Variants in CCDC18 observed in about 807,000 individuals in gnomAD.
CCDC18 encodes the protein coiled-coil domain containing 18.
In CCDC18, 157 loss-of-function variants were observed where a neutral mutation model predicts 196.0. That is an observed-to-expected ratio of 0.80 (90% confidence interval 0.70 to 0.91). The LOEUF (loss-of-function observed/expected upper bound fraction) is 0.91, where lower values mean the gene tolerates loss of function less well. Ranked by LOEUF, CCDC18 falls within the 40% of genes least tolerant of loss-of-function variation. CCDC18 has a pLI of 0.00. For missense variants in CCDC18, 1,465 were observed against 1,611.6 expected, an observed-to-expected ratio of 0.91 and a Z score of 1.56; for synonymous variants, 482 against 529.2, an observed-to-expected ratio of 0.91 and a Z score of 1.22.
rs750096547 is a variant in CCDC18, at chr1:93,212,115, T to A, written c.1349T>A (p.Ile450Lys). The A allele has an allele frequency of 6.2e-7, 1 of 1,600,022 alleles. No individual in the cohort carries two copies. Among genetic ancestry groups the A allele is most frequent in the East Asian group, 2.3e-5 (1 of 44,368 alleles). The change falls in exon 11 of 29, where the codon ATA becomes AAA. Residue 450 changes from isoleucine (I) to lysine (K), a missense_variant. Coordinates refer to ENST00000690025, the MANE Select transcript of CCDC18 (RefSeq NM_001378204.1). ...VISELRIKLA[I>K]KEAEIQKLHA... Reference sequence around the variant, plus strand: ...TTTTGTGCCAGAATTAAGCTTGCAATAAAAGAGGCAGAAATTCAAAAGCTT... The same window carrying A: ...TTTTGTGCCAGAATTAAGCTTGCAAAAAAAGAGGCAGAAATTCAAAAGCTT...
At chr1:93,237,398 A>C (rs1471106258) in intron 19 of CCDC18, among the ~76,000 whole-genome samples, 1 of 152,118 alleles carries the variant, frequency 6.6e-6, no homozygotes, top group African/African-American at 2.4e-5. Context: ...CTCATATCTC[A>C]CACTAATTCC....
chr1:93,211,575 G>A (rs1655656252), intron 10 of CCDC18, among the ~76,000 whole-genome samples: 1 of 152,056 alleles, frequency 6.6e-6, no homozygotes, highest in African/African-American at 2.4e-5. Context: ...TTACACACAT[G>A]TACACAAATA....
chr1:93,257,048 AAACACC>A, intron 25 of CCDC18, among the ~76,000 whole-genome samples: 1 of 152,058 alleles, frequency 6.6e-6, no homozygotes, highest in Admixed American at 6.6e-5. Context: ...CAATATGGTG[AAACACC>A]ATCTCTACTA....
intron 21 of CCDC18, among the ~76,000 whole-genome samples, chr1:93,241,461 C>A (rs1242106558): frequency 2.0e-5 from 3 of 151,950 alleles, no homozygotes; most frequent in Admixed American, 2.0e-4. Flanking sequence ...CGGTGGCTCA[C>A]GCCTGTAATC....
intron 17 of CCDC18, among the ~76,000 whole-genome samples, chr1:93,227,957 C>CAA (rs71586784): frequency 1.6e-4 from 17 of 105,162 alleles, no homozygotes; most frequent in East Asian, 9.5e-4. Flanking sequence ...GACCCTATCT[C>CAA]AAAAAAAAAA....
At chr1:93,198,075 G>T (rs1407502845) in intron 6 of CCDC18, among the ~76,000 whole-genome samples, 1 of 152,130 alleles carries the variant, frequency 6.6e-6, no homozygotes, top group Non-Finnish European at 1.5e-5. Context: ...TCTAATGGAA[G>T]TGTAAATTGG....
At chr1:93,267,802 G>A (rs1664723346) in intron 27 of CCDC18, among the ~76,000 whole-genome samples, 1 of 152,112 alleles carries the variant, frequency 6.6e-6, no homozygotes, top group African/African-American at 2.4e-5. Flanking sequence ...CAAACAAATG[G>A]GAGAACATTC....
chr1:93,191,952 G>A (rs562597620), intron 4 of CCDC18, 48 bp from the exon 5 acceptor site: 2 of 1,327,608 alleles, frequency 1.5e-6, no homozygotes, highest in South Asian at 2.4e-5. Context: ...GACCAAGTAG[G>A]TTAATTTATT....
chr1:93,188,547 C>T (rs1382018961), intron 4 of CCDC18, among the ~76,000 whole-genome samples: 2 of 152,176 alleles, frequency 1.3e-5, no homozygotes, highest in African/African-American at 2.4e-5. Context: ...TATTTAATGT[C>T]AGAATTTTTA....
In CCDC18 at chr1:93,184,148, T is replaced by G. The variant is rs772804060; in HGVS notation, c.303+2T>G. 6.8e-7 allele frequency: 1 copy of G among 1,480,326 alleles called. No individual in the cohort carries two copies. The highest frequency in any genetic ancestry group is 1.5e-5 in the South Asian group (1 of 65,332). 91.7% of individuals were successfully genotyped at this position (1,480,326 alleles called of 1,614,324 possible). A position where few individuals can be genotyped will look rare whatever the true frequency, so the allele number is the denominator to read the frequency against. On this transcript the variant is annotated splice_donor_variant, in intron 3 of 28. Transcript: ENST00000690025. LOFTEE classifies it high-confidence loss of function. ...TTTCAAAAAAAGCCAAGAGATAAGG[T>G]TATTGTTTTTAGACCTATCTAGTTA...
intron 3 of CCDC18, among the ~76,000 whole-genome samples, chr1:93,185,344 A>C (rs1020498615): frequency 1.3e-5 from 2 of 151,902 alleles, no homozygotes; most frequent in Non-Finnish European, 2.9e-5. Context: ...ATTTACCTTG[A>C]CTTGGAACTC....
In CCDC18 at chr1:93,207,511, TTA is replaced by T. The variant is rs986244668; in HGVS notation, c.1209+114_1209+115del. 8.8e-5 allele frequency: 65 copies of T among 741,836 alleles called. No homozygotes were observed. In the African/African-American group the frequency reaches 1.1e-3, roughly 12 times the overall value. The allele number at this position is 741,836 out of a possible 1,614,324, so 46.0% of individuals were successfully genotyped here. Reference sequence around the variant, plus strand: ...TTCTAATTTCTTTTTCTCTATACTTTTAGTCATGAATTTCTCTTCTGTCTAAA... The same window carrying T: ...TTCTAATTTCTTTTTCTCTATACTTTGTCATGAATTTCTCTTCTGTCTAAA... On this transcript the variant is annotated intron_variant, in intron 9 of 28. Coordinates refer to ENST00000690025, the MANE Select transcript of CCDC18 (RefSeq NM_001378204.1).
At chr1:93,253,407 T>C (rs1305243928) in intron 23 of CCDC18, among the ~76,000 whole-genome samples, 1 of 152,014 alleles carries the variant, frequency 6.6e-6, no homozygotes, top group Non-Finnish European at 1.5e-5. Flanking sequence ...CAGAGGTGCA[T>C]GTGTCTCCCA....
chr1:93,205,546 A>G lies in CCDC18; in HGVS notation c.832A>G (p.Thr278Ala), dbSNP rs1654579773. Reference protein sequence around the residue: ...AEEEILERNLTNCEKENKRLQ... With the variant: ...AEEEILERNLANCEKENKRLQ... Reference sequence around the variant, plus strand: ...AGAAGAAATATTAGAGAGAAATCTAACTAACTGTGAAAAAGAAAATAAAAG... The same window carrying G: ...AGAAGAAATATTAGAGAGAAATCTAGCTAACTGTGAAAAAGAAAATAAAAG... The change falls in exon 8 of 29, where the codon ACT becomes GCT. Residue 278 changes from threonine to alanine, a missense_variant. By Grantham distance (58) the Thr-to-Ala change is moderately conservative. Coordinates refer to ENST00000690025, the MANE Select transcript of CCDC18 (RefSeq NM_001378204.1). 4 of 1,590,402 alleles carry G rather than the reference A, an allele frequency of 2.5e-6. No homozygotes were observed. The South Asian group carries it at 4.5e-5, about 18-fold the overall frequency.
chr1:93,246,556 C>G (rs553238875), intron 22 of CCDC18, among the ~76,000 whole-genome samples: 2 of 151,986 alleles, frequency 1.3e-5, no homozygotes, highest in Non-Finnish European at 2.9e-5. Context: ...ATGAACACAA[C>G]TATATTTTAT....
chr1:93,238,172 T>C (rs899299429), intron 19 of CCDC18, among the ~76,000 whole-genome samples: 11 of 152,240 alleles, frequency 7.2e-5, no homozygotes, highest in African/African-American at 2.7e-4. Flanking sequence ...TGCCAATCTC[T>C]TTTGATTATT....
chr1:93,182,469 C>T lies in CCDC18; in HGVS notation c.-2-891C>T, dbSNP rs529223622. ...GCTAAGAAGGGCGTTGAAGGAGATG[C>T]TACAGTGAAAAAGGTAAATGGGATC... On this transcript the variant is annotated intron_variant, in intron 1 of 28. Coordinates refer to ENST00000690025, the MANE Select transcript of CCDC18 (RefSeq NM_001378204.1). Among the ~76,000 whole-genome samples, 391 of 152,180 alleles carry T rather than the reference C, an allele frequency of 2.6e-3. 2 individuals carry two copies. The highest frequency in any genetic ancestry group is 8.7e-3 in the African/African-American group (362 of 41,514).
intron 17 of CCDC18, among the ~76,000 whole-genome samples, chr1:93,230,217 A>C (rs912521750): frequency 6.6e-6 from 1 of 152,092 alleles, no homozygotes; most frequent in African/African-American, 2.4e-5. Flanking sequence ...ACTAAAGCCA[A>C]CTGGCCAGGC....
chr1:93,180,970 CTG>C, intron 1 of CCDC18, 118 bp downstream of exon 1: 1 of 992,200 alleles, frequency 1.0e-6, no homozygotes, highest in Non-Finnish European at 1.4e-6. Context: ...TGCGCTGGGA[CTG>C]GTCCTCGTGG....
Sources: allele counts gnomAD v4.1 joint callset (sites outside exome capture counted in the v4.1 genomes callset), GRCh38; gene constraint gnomAD v4.1.1; transcripts MANE v1.5; gene names NCBI Gene and HGNC (gene_info 2026-07-23, HGNC 2026-07-21).